ANXA4: variants seen among roughly 807,000 people sequenced by gnomAD.
ANXA4 encodes 35-beta calcimedin.
A neutral mutation model predicts 49.8 loss-of-function variants in ANXA4; 39 were observed. The observed-to-expected ratio is 0.78, with a 90% CI of 0.61 to 1.02. The LOEUF is 1.02. Ranked by LOEUF, ANXA4 falls within the 50% of genes least tolerant of loss-of-function variation. ANXA4 has a pLI of 0.00. For synonymous variants in ANXA4, 134 were observed against 152.5 expected, an observed-to-expected ratio of 0.88 and a Z score of 0.89; for missense variants, 360 against 410.1, an observed-to-expected ratio of 0.88 and a Z score of 1.05.
At chr2:69,738,834 A>T (rs1412990972), upstream of ANXA4, among the ~76,000 whole-genome samples, 1 of 152,218 alleles carries the variant, frequency 6.6e-6, no homozygotes, top group Non-Finnish European at 1.5e-5. Flanking sequence ...AGACTGGCCC[A>T]TCTGCCAGCT....
intron 2 of ANXA4, among the ~76,000 whole-genome samples, chr2:69,668,999 C>T (rs966695847): frequency 4.0e-5 from 6 of 150,772 alleles, no homozygotes; most frequent in African/African-American, 1.2e-4. Context: ...TGCAGTGGTG[C>T]GATCTCGCCT....
intron 3 of ANXA4, among the ~76,000 whole-genome samples, chr2:69,736,626 TG>T (rs1273753358): frequency 6.6e-6 from 1 of 152,238 alleles, no homozygotes; most frequent in Non-Finnish European, 1.5e-5. Context: ...TTTATGTCCT[TG>T]TTTAGGTGGA....
At position 69,732,409 on chromosome 2, in the gene ANXA4, A is replaced by G. The variant is rs72903012; in HGVS notation, n.864+11538A>G. On this transcript the variant is annotated intron_variant and non_coding_transcript_variant, in intron 3 of 3. Coordinates refer to the ANXA4 transcript ENST00000418066. ...ATCTAATATCTGATATCTAGAAGTGATATAAACTGGGCAATACCTCTTCCC... is the reference window on the plus strand; with the variant it reads ...ATCTAATATCTGATATCTAGAAGTGGTATAAACTGGGCAATACCTCTTCCC... Among the ~76,000 whole-genome samples, 1,032 of 152,216 alleles carry G rather than the reference A, an allele frequency of 6.8e-3. 13 individuals carry two copies. Among genetic ancestry groups the G allele is most frequent in the African/African-American group, 0.023 (961 of 41,522 alleles).
At chr2:69,818,960 G>T (rs1674117514) in intron 10 of ANXA4, among the ~76,000 whole-genome samples, 2 of 152,168 alleles carry the variant, frequency 1.3e-5, no homozygotes, top group Non-Finnish European at 2.9e-5. Context: ...GCTGCAGCTT[G>T]CAAGTCTGTG....
In ANXA4 at chr2:69,825,589, T is replaced by C; in HGVS notation, c.*74T>C. The C allele has an allele frequency of 1.8e-6, 2 of 1,099,884 alleles. No individual in the cohort carries two copies. Among genetic ancestry groups the C allele is most frequent in the Non-Finnish European group, 2.7e-6 (2 of 737,284 alleles). 68.1% of individuals were successfully genotyped at this position (1,099,884 alleles called of 1,614,324 possible). On this transcript the variant is annotated 3_prime_UTR_variant, in exon 13 of 13. Coordinates refer to ENST00000394295, the MANE Select transcript of ANXA4 (RefSeq NM_001153.5). Reference sequence around the variant, plus strand: ...TTAACTTCATTTTTCTACACTGCTATTATCATTATCTCAGAATGCTTATTT... The same window carrying C: ...TTAACTTCATTTTTCTACACTGCTACTATCATTATCTCAGAATGCTTATTT...
At chr2:69,653,384 T>G (rs1235142573) in intron 2 of ANXA4, 1 of 152,114 alleles carries the variant, frequency 6.6e-6, no homozygotes, top group Non-Finnish European at 1.5e-5. Context: ...ACAATGAAAA[T>G]TATGCTAGGA....
chr2:69,817,420 A>G (rs530411135), intron 9 of ANXA4: 1 of 152,340 alleles, frequency 6.6e-6, no homozygotes, highest in African/African-American at 2.4e-5. Flanking sequence ...GTTTCTTGCA[A>G]CACTCAATGG....
At chr2:69,800,482 TG>T (rs770273549) in intron 3 of ANXA4, among the ~76,000 whole-genome samples, 57 of 152,204 alleles carry the variant, frequency 3.7e-4, no homozygotes, top group Non-Finnish European at 6.8e-4. Context: ...AAATAGTCTA[TG>T]AATACTAGCA....
intron 2 of ANXA4, among the ~76,000 whole-genome samples, chr2:69,708,926 C>A (rs571084103): frequency 6.6e-6 from 1 of 151,158 alleles, no homozygotes; most frequent in Non-Finnish European, 1.5e-5. Context: ...AAAAAAAAAA[C>A]CTCTACTATA....
chr2:69,748,413 G>A (rs1385739804), intron 1 of ANXA4, among the ~76,000 whole-genome samples: 1 of 150,508 alleles, frequency 6.6e-6, no homozygotes, highest in East Asian at 1.9e-4. Flanking sequence ...GAGAGAAAAG[G>A]CACACATGCG....
chr2:69,813,233 C>G (rs1325184716), intron 8 of ANXA4, among the ~76,000 whole-genome samples: 3 of 150,996 alleles, frequency 2.0e-5, no homozygotes, highest in African/African-American at 4.9e-5. Flanking sequence ...TACCAGGTAC[C>G]AAACACTGTT....
intron 2 of ANXA4, among the ~76,000 whole-genome samples, chr2:69,683,791 C>T (rs1207893294): frequency 6.6e-6 from 1 of 152,156 alleles, no homozygotes; most frequent in Non-Finnish European, 1.5e-5. Context: ...TAGATGTGAA[C>T]AAATAAGGCA....
chr2:69,786,361 C>T (rs1372035936), intron 2 of ANXA4, among the ~76,000 whole-genome samples: 1 of 152,180 alleles, frequency 6.6e-6, no homozygotes, highest in Non-Finnish European at 1.5e-5. Context: ...CCTAGTCTAG[C>T]TCATATCCCA....
chr2:69,812,445 C>T (rs1056773382), intron 7 of ANXA4, among the ~76,000 whole-genome samples: 1 of 152,128 alleles, frequency 6.6e-6, no homozygotes, highest in Admixed American at 6.5e-5. Context: ...CGTTAGGGGC[C>T]ACACTGAGGC....
At chr2:69,818,508 T>C (rs1446574063) in intron 9 of ANXA4, 91 bp from the exon 10 acceptor site, 1 of 772,210 alleles carries the variant, frequency 1.3e-6, no homozygotes, top group Non-Finnish European at 2.1e-6. Flanking sequence ...GAATAAATAG[T>C]GTAGGCTAGT....
chr2:69,753,868 G>A (rs992824792), intron 1 of ANXA4, among the ~76,000 whole-genome samples: 7 of 152,216 alleles, frequency 4.6e-5, no homozygotes, highest in Non-Finnish European at 1.0e-4. Flanking sequence ...TTGCAAAAAA[G>A]TCTGTGCATT....
intron 9 of ANXA4, 129 bp downstream of exon 9, chr2:69,816,323 T>G: frequency 1.4e-6 from 1 of 693,654 alleles, no homozygotes. Flanking sequence ...GTGTCTTAGA[T>G]TCTCACCCTG....
intron 2 of ANXA4, among the ~76,000 whole-genome samples, chr2:69,668,783 C>T (rs920644088): frequency 3.9e-5 from 6 of 152,164 alleles, no homozygotes; most frequent in African/African-American, 1.4e-4. Context: ...CTGCAGCAGG[C>T]TTGCCTTCTG....
At chr2:69,691,128 T>C (rs11893444) in intron 2 of ANXA4, among the ~76,000 whole-genome samples, 24,140 of 151,798 alleles carry the variant, frequency 0.16, 2,332 homozygotes, top group East Asian at 0.37. Context: ...AGTCTTTTTT[T>C]TTTTTTCTTT....
Sources: allele counts gnomAD v4.1 joint callset (sites outside exome capture counted in the v4.1 genomes callset), GRCh38; gene constraint gnomAD v4.1.1; transcripts MANE v1.5; gene names NCBI Gene and HGNC (gene_info 2026-07-23, HGNC 2026-07-21).